ATP10B: variants seen among roughly 807,000 people sequenced by gnomAD.
ATP10B encodes the protein ATPase phospholipid transporting 10B (putative), also known as phospholipid-transporting ATPase VB.
In ATP10B, 122 loss-of-function variants were observed where a neutral mutation model predicts 141.2. The ratio of observed to expected loss-of-function variants is 0.86; its 90% CI spans 0.75 to 1.00. ATP10B has a LOEUF of 1.00. Among genes scored for constraint, ATP10B ranks in the 50% least tolerant of loss-of-function variants. The pLI is 0.00. For synonymous variants in ATP10B, 685 were observed against 692.0 expected (o/e 0.99, Z 0.16); for missense variants, 1,876 against 1,825.3 (o/e 1.03, Z -0.51).
chr5:160,794,708 T>C (rs1771819378), intron 1 of ATP10B, among the ~76,000 whole-genome samples: 1 of 152,216 alleles, frequency 6.6e-6, no homozygotes, highest in Non-Finnish European at 1.5e-5. Flanking sequence ...TTAAGGCATT[T>C]TGTTTGGAAT....
intron 17 of ATP10B, among the ~76,000 whole-genome samples, chr5:160,613,593 A>G (rs1757845669): frequency 6.6e-6 from 1 of 152,246 alleles, no homozygotes; most frequent in Non-Finnish European, 1.5e-5. Context: ...GCAGGACTGC[A>G]GAGGAGAGGC....
intron 1 of ATP10B, among the ~76,000 whole-genome samples, chr5:160,788,126 A>C (rs1458435801): frequency 6.6e-6 from 1 of 152,164 alleles, no homozygotes; most frequent in Non-Finnish European, 1.5e-5. Flanking sequence ...CAGTGAGATG[A>C]CCTCTAGAAA....
chr5:160,819,192 C>A (rs1021965450), intron 1 of ATP10B, among the ~76,000 whole-genome samples: 21 of 151,744 alleles, frequency 1.4e-4, no homozygotes, highest in Non-Finnish European at 2.4e-4. Flanking sequence ...ATAAAAGAAA[C>A]AAATCACATA....
intron 1 of ATP10B, among the ~76,000 whole-genome samples, chr5:160,843,175 T>A (rs1775910974): frequency 6.6e-6 from 1 of 152,062 alleles, no homozygotes; most frequent in African/African-American, 2.4e-5. Flanking sequence ...GCAACTAATA[T>A]ATTTCAACAT....
In ATP10B at chr5:160,563,301, T is replaced by A. The variant is rs1390376044; in HGVS notation, c.*2152A>T. The A allele has an allele frequency of 1.3e-5, 2 of 152,130 alleles. No individual in the cohort carries two copies. The highest frequency in any genetic ancestry group is 6.5e-5 in the Admixed American group (1 of 15,268). The allele number at this position is 152,130 out of a possible 1,614,324, so 9.4% of individuals were successfully genotyped here. On this transcript the variant is annotated 3_prime_UTR_variant, in exon 26 of 26. Coordinates refer to ENST00000327245, the MANE Select transcript of ATP10B (RefSeq NM_025153.3). Reference sequence around the variant, plus strand: ...ATTGGATGGTCACAGTTGGCTTGATTTACAGAGGGGCAAGAGTAGGTGACC... The same window carrying A: ...ATTGGATGGTCACAGTTGGCTTGATATACAGAGGGGCAAGAGTAGGTGACC...
At chr5:160,876,914 G>C in the ATP10B span, among the ~76,000 whole-genome samples, 1 of 141,062 alleles carries the variant, frequency 7.1e-6, no homozygotes, top group Non-Finnish European at 1.6e-5. Flanking sequence ...ACCAAAAAGA[G>C]TCCAGGACCA....
chr5:160,620,590 C>A lies in ATP10B; in HGVS notation c.2173G>T (p.Ala725Ser), dbSNP rs375154598. The A allele has an allele frequency of 3.1e-6, 5 of 1,613,812 alleles. No homozygotes were observed. The East Asian group carries it at 6.7e-5, about 22-fold the overall frequency. ...GCATGGGCAGCGTGCACCAGGGCGGCCTCATCAGGGCTCTCAGCCTCGTAA... is the reference window on the plus strand; with the variant it reads ...GCATGGGCAGCGTGCACCAGGGCGGACTCATCAGGGCTCTCAGCCTCGTAA... ...FCYEAESPDEAALVHAAHAYS... is the reference protein window; with the variant it reads ...FCYEAESPDESALVHAAHAYS... Residue 725 changes from alanine to serine, a missense_variant, in exon 15 of 26, where the codon GCC becomes TCC. Coordinates refer to ENST00000327245, the MANE Select transcript of ATP10B (RefSeq NM_025153.3).
chr5:160,873,940 C>A, the ATP10B span, among the ~76,000 whole-genome samples: 4 of 152,234 alleles, frequency 2.6e-5, no homozygotes, highest in Non-Finnish European at 4.4e-5. Context: ...AACTGCAAGG[C>A]GGCAGCCAGG....
At chr5:160,684,266 T>C (rs1763607733) in intron 6 of ATP10B, among the ~76,000 whole-genome samples, 1 of 152,236 alleles carries the variant, frequency 6.6e-6, no homozygotes, top group Non-Finnish European at 1.5e-5. Context: ...ATTTGTTGTA[T>C]GTCATACACT....
At chr5:160,623,390 G>A (rs1329433195) in intron 13 of ATP10B, among the ~76,000 whole-genome samples, 4 of 152,186 alleles carry the variant, frequency 2.6e-5, no homozygotes, top group Admixed American at 2.6e-4. Context: ...TGGGGTGGTG[G>A]GAGCTATGAG....
chr5:160,785,642 T>A lies in ATP10B; in HGVS notation c.-414A>T. 1 of 1,276,950 alleles carries A rather than the reference T, an allele frequency of 7.8e-7. No individual in the cohort carries two copies. Among genetic ancestry groups the A allele is most frequent in the Non-Finnish European group, 1.0e-6 (1 of 977,694 alleles). The allele number at this position is 1,276,950 out of a possible 1,614,324, so 79.1% of individuals were successfully genotyped here. The stretch of plus-strand genomic sequence containing the variant: ...AGTGTTTATTGTTCTCATCTTTGTG[T>A]CCATGTGTAAGAAATGGTAGTTTCT... On this transcript the variant is annotated 5_prime_UTR_variant, in exon 2 of 26. Transcript: ENST00000327245.
chr5:160,589,303 T>C (rs1756117246), intron 24 of ATP10B, among the ~76,000 whole-genome samples: 1 of 152,186 alleles, frequency 6.6e-6, no homozygotes, highest in South Asian at 2.1e-4. Flanking sequence ...TGAGCCACCA[T>C]GCCTGGCCAT....
At chr5:160,571,723 G>A (rs1320086663) in intron 24 of ATP10B, among the ~76,000 whole-genome samples, 3 of 152,172 alleles carry the variant, frequency 2.0e-5, no homozygotes, top group Non-Finnish European at 4.4e-5. Context: ...GTTGGGCACT[G>A]CTAATCTTGA....
rs201000168 is a variant in ATP10B, at chr5:160,587,821, GT to G, written c.3750+1770del. On this transcript the variant is annotated intron_variant, in intron 24 of 25. Coordinates refer to ENST00000327245, the MANE Select transcript of ATP10B (RefSeq NM_025153.3). Reference sequence around the variant, plus strand: ...CTGAAGTTGCTCATCAGCTTAAGGAGTTTTTGGGCTTAGATAATCTTTTATT... The same window carrying G: ...CTGAAGTTGCTCATCAGCTTAAGGAGTTTTGGGCTTAGATAATCTTTTATT... Among the ~76,000 whole-genome samples, 1,428 of 152,280 alleles carry G rather than the reference GT, an allele frequency of 9.4e-3. 18 individuals are homozygous for G. The highest frequency in any genetic ancestry group is 0.032 in the African/African-American group (1,348 of 41,568).
intron 22 of ATP10B, among the ~76,000 whole-genome samples, chr5:160,596,629 T>C (rs2127618894): frequency 6.7e-6 from 1 of 150,182 alleles, no homozygotes; most frequent in Middle Eastern, 3.4e-3. Flanking sequence ...GACATGATTG[T>C]ATATCTAGAA....
At chr5:160,883,384 G>A in the ATP10B span, among the ~76,000 whole-genome samples, 1 of 152,136 alleles carries the variant, frequency 6.6e-6, no homozygotes, top group African/African-American at 2.4e-5. Context: ...GAGACTAAAT[G>A]TCATGTATGG....
chr5:160,881,051 C>T, the ATP10B span, among the ~76,000 whole-genome samples: 4 of 152,116 alleles, frequency 2.6e-5, no homozygotes, highest in Non-Finnish European at 5.9e-5. Context: ...ATGATAAAGA[C>T]TATTACCCAA....
At chr5:160,655,836 G>C (rs1761456641) in intron 7 of ATP10B, among the ~76,000 whole-genome samples, 1 of 152,216 alleles carries the variant, frequency 6.6e-6, no homozygotes, top group Non-Finnish European at 1.5e-5. Context: ...ATCAAGGGAA[G>C]AAAGGGGTGA....
intron 2 of ATP10B, among the ~76,000 whole-genome samples, chr5:160,778,309 C>T (rs898486652): frequency 2.0e-5 from 3 of 152,190 alleles, no homozygotes; most frequent in African/African-American, 7.2e-5. Context: ...TTTATTTTCT[C>T]CCACAGTGGA....
Sources: allele counts gnomAD v4.1 joint callset (sites outside exome capture counted in the v4.1 genomes callset), GRCh38; gene constraint gnomAD v4.1.1; transcripts MANE v1.5; gene names NCBI Gene and HGNC (gene_info 2026-07-23, HGNC 2026-07-21).